The following NTM variants were observed in gnomAD, a reference collection of about 807,000 sequenced individuals.
NTM encodes neurotrimin, also known as IgLON family member 2.
Under a neutral mutation model 42.1 loss-of-function variants are expected in NTM, and 13 were observed. That is an observed-to-expected ratio of 0.31 (90% CI 0.20 to 0.49). NTM has a LOEUF of 0.49. NTM is among the 20% of genes least tolerant of loss of function. The pLI is 0.99. For synonymous variants in NTM, 187 were observed against 179.2 expected (o/e 1.04, Z -0.35); for missense variants, 373 against 452.8 (o/e 0.82, Z 1.60).
intron 3 of NTM, among the ~76,000 whole-genome samples, chr11:132,195,925 G>A (rs147389665): frequency 6.6e-6 from 1 of 152,222 alleles, no homozygotes; most frequent in African/African-American, 2.4e-5. Flanking sequence ...GTCCCCAAAA[G>A]CAATAGCAAC....
intron 2 of NTM, among the ~76,000 whole-genome samples, chr11:132,134,757 A>ATATATC (rs2067544722): frequency 6.2e-5 from 6 of 97,314 alleles, no homozygotes; most frequent in African/African-American, 1.5e-4. Flanking sequence ...ATATATATAT[A>ATATATC]TATCTCACAT....
chr11:131,445,550 C>T (rs145316297), intron 1 of NTM, among the ~76,000 whole-genome samples: 4 of 152,072 alleles, frequency 2.6e-5, no homozygotes, highest in African/African-American at 9.7e-5. Flanking sequence ...ATGAGCTAAC[C>T]AACTTTGAGG....
chr11:131,384,745 A>G (rs948238212), intron 1 of NTM, among the ~76,000 whole-genome samples: 3 of 152,114 alleles, frequency 2.0e-5, no homozygotes, highest in Admixed American at 6.5e-5. Context: ...TGCTTCCATT[A>G]CTCTTTAAAG....
At chr11:131,867,262 T>G (rs1388315586) in intron 1 of NTM, among the ~76,000 whole-genome samples, 1 of 152,012 alleles carries the variant, frequency 6.6e-6, no homozygotes, top group Non-Finnish European at 1.5e-5. Context: ...CTAAACGCAG[T>G]GGGGAAGTTG....
intron 2 of NTM, among the ~76,000 whole-genome samples, chr11:131,915,731 G>T (rs552090920): frequency 3.9e-5 from 6 of 152,126 alleles, no homozygotes; most frequent in East Asian, 1.9e-4. Context: ...AAGGCAAAAG[G>T]CACATTTTAC....
chr11:131,449,841 C>T (rs980830062), intron 1 of NTM, among the ~76,000 whole-genome samples: 6 of 152,188 alleles, frequency 3.9e-5, no homozygotes, highest in Admixed American at 6.5e-5. Context: ...ACAGGCTCCA[C>T]TGTCAACCCA....
rs143728309 is a variant in NTM, at chr11:131,779,965, C to T, written c.83-131599C>T. 5.6e-3 allele frequency among the ~76,000 whole-genome samples: 857 copies of T among 152,236 alleles called. 10 individuals carry two copies. Among genetic ancestry groups the T allele is most frequent in the Non-Finnish European group, 7.3e-3 (495 of 68,018 alleles). ...GTCACCAGGGAAAGTGTTGGATGTA[C>T]AGAATCTCAGTCCCACCCACTCCCC... On this transcript the variant is annotated intron_variant, in intron 1 of 8. Coordinates refer to ENST00000683400, the MANE Select transcript of NTM (RefSeq NM_001352005.2).
intron 1 of NTM, among the ~76,000 whole-genome samples, chr11:131,371,264 C>G (rs564152434): frequency 6.6e-6 from 1 of 152,240 alleles, no homozygotes; most frequent in African/African-American, 2.4e-5. Context: ...GTTGCTTATG[C>G]GACTGGGAAG....
At chr11:131,550,963 G>A (rs2054584846) in intron 1 of NTM, among the ~76,000 whole-genome samples, 2 of 152,110 alleles carry the variant, frequency 1.3e-5, no homozygotes, top group African/African-American at 2.4e-5. Flanking sequence ...CTGTGGATGA[G>A]CCTAGATGCA....
intron 1 of NTM, among the ~76,000 whole-genome samples, chr11:131,433,939 C>A (rs957738387): frequency 1.1e-4 from 16 of 152,246 alleles, no homozygotes; most frequent in African/African-American, 3.9e-4. Context: ...TAATGCTATC[C>A]CTCTCCCTAT....
intron 1 of NTM, among the ~76,000 whole-genome samples, chr11:131,757,400 C>T (rs1033768783): frequency 4.6e-5 from 7 of 152,214 alleles, no homozygotes; most frequent in South Asian, 2.1e-4. Context: ...AGCTCTTCAA[C>T]GATATACCAG....
chr11:131,515,651 T>C (rs1308175562), intron 1 of NTM, among the ~76,000 whole-genome samples: 3 of 152,202 alleles, frequency 2.0e-5, no homozygotes, highest in African/African-American at 7.2e-5. Flanking sequence ...GATTCTGGCC[T>C]TGGAAGCCAA....
intron 2 of NTM, among the ~76,000 whole-genome samples, chr11:131,950,365 T>A (rs2060840715): frequency 6.6e-6 from 1 of 152,198 alleles, no homozygotes; most frequent in African/African-American, 2.4e-5. Flanking sequence ...GCATACTGGC[T>A]TCAACTTTTC....
chr11:131,385,014 G>C (rs1255801051), intron 1 of NTM, among the ~76,000 whole-genome samples: 1 of 152,220 alleles, frequency 6.6e-6, no homozygotes, highest in African/African-American at 2.4e-5. Flanking sequence ...AGTGGAATGA[G>C]GGAGAGATGA....
intron 1 of NTM, among the ~76,000 whole-genome samples, chr11:131,558,801 A>T (rs974824529): frequency 3.3e-5 from 5 of 152,156 alleles, no homozygotes; most frequent in Admixed American, 1.3e-4. Context: ...CCCTCGCTGG[A>T]TCTCTGCGAG....
intron 1 of NTM, among the ~76,000 whole-genome samples, chr11:131,631,649 A>T (rs897364560): frequency 6.6e-6 from 1 of 152,210 alleles, no homozygotes; most frequent in Non-Finnish European, 1.5e-5. Context: ...TTTCATTTCT[A>T]CAATTTCCAT....
intron 4 of NTM, among the ~76,000 whole-genome samples, chr11:132,299,754 CA>C (rs1341241052): frequency 6.6e-6 from 1 of 152,124 alleles, no homozygotes; most frequent in African/African-American, 2.4e-5. Context: ...TTACAACAGG[CA>C]AACGTAGGTT....
At chr11:132,018,107 C>G (rs1034608976) in intron 2 of NTM, among the ~76,000 whole-genome samples, 1 of 151,400 alleles carries the variant, frequency 6.6e-6, no homozygotes, top group Non-Finnish European at 1.5e-5. Context: ...CCTTCTTTGT[C>G]CCTCTCTCCC....
chr11:132,233,122 T>C (rs1040519976), intron 4 of NTM, among the ~76,000 whole-genome samples: 6 of 152,084 alleles, frequency 3.9e-5, no homozygotes, highest in African/African-American at 1.2e-4. Flanking sequence ...GATACCAGTT[T>C]TAGAATGGGG....
Sources: allele counts gnomAD v4.1 joint callset (sites outside exome capture counted in the v4.1 genomes callset), GRCh38; gene constraint gnomAD v4.1.1; transcripts MANE v1.5; gene names NCBI Gene and HGNC (gene_info 2026-07-23, HGNC 2026-07-21).